The following DMBT1 variants were observed in gnomAD, a reference collection of about 807,000 sequenced individuals.
DMBT1 encodes scavenger receptor cysteine-rich domain-containing protein DMBT1.
In DMBT1, 198 loss-of-function variants were observed where a neutral mutation model predicts 252.9. The ratio of observed to expected loss-of-function variants is 0.78; its 90% CI spans 0.70 to 0.88. The LOEUF is 0.88. Ranked by LOEUF, DMBT1 falls within the 40% of genes least tolerant of loss-of-function variation. The pLI is 0.00. For missense variants in DMBT1, 2,432 were observed against 2,404.7 expected (o/e 1.01, Z -0.24); for synonymous variants, 990 against 942.7 (o/e 1.05, Z -0.92).
rs373641456 is a variant in DMBT1, at chr10:122,600,154, A to C, written c.3310+61A>C. On this transcript the variant is annotated intron_variant, in intron 27 of 55. Coordinates refer to ENST00000338354, the MANE Select transcript of DMBT1 (RefSeq NM_001377530.1). Reference sequence around the variant, plus strand: ...CTCTTTCTGCCCAATCACCCCTTCCACACTCCACAGAGCTCTCCTGTTTCT... The same window carrying C: ...CTCTTTCTGCCCAATCACCCCTTCCCCACTCCACAGAGCTCTCCTGTTTCT... 3.3e-4 allele frequency: 518 copies of C among 1,573,810 alleles called. 29 individuals are homozygous for C. The African/African-American group carries it at 4.0e-3, about 12-fold the overall frequency.
At position 122,572,339 on chromosome 10, in the gene DMBT1, C is replaced by A. The variant is rs368952924; in HGVS notation, c.213C>A (p.Thr71=). The change falls in exon 5 of 56, where the codon ACC becomes ACA. Residue 71 remains threonine, a synonymous_variant. Transcript: ENST00000338354. ...AEGSPISLES[T]LESTVAEGSL... The stretch of plus-strand genomic sequence containing the variant: ...GTTCTCCGATTTCCTTGGAGTCAAC[C>A]CTGGAGTCAACCGTAGCAGAAGGTA... 2.5e-6 allele frequency: 4 copies of A among 1,613,000 alleles called. No individual in the cohort carries two copies. The highest frequency in any genetic ancestry group is 3.4e-6 in the Non-Finnish European group (4 of 1,179,272).
In DMBT1 at chr10:122,618,772, A is replaced by T. The variant is rs148967868; in HGVS notation, c.5215+432A>T. Among the ~76,000 whole-genome samples the T allele has an allele frequency of 9.4e-3, 1,435 of 152,332 alleles. 23 individuals are homozygous for T. The highest frequency in any genetic ancestry group is 0.032 in the African/African-American group (1,335 of 41,572). ...GTGGGTTCTCAGCTGAGACCCAGTG[A>T]GGAGGTCTGGAAATAGAGGCTCAAG... On this transcript the variant is annotated intron_variant, in intron 41 of 55. Transcript: ENST00000338354.
intron 40 of DMBT1, among the ~76,000 whole-genome samples, 154 bp downstream of exon 40, chr10:122,617,414 G>C (rs1016871787): frequency 1.3e-5 from 2 of 151,348 alleles, no homozygotes; most frequent in Non-Finnish European, 2.9e-5. Flanking sequence ...AGTCAGCCCT[G>C]GGTTTGATGT....
chr10:122,592,708 T>C (rs1329157902), intron 20 of DMBT1, 113 bp downstream of exon 20: 3 of 1,505,658 alleles, frequency 2.0e-6, no homozygotes, highest in Non-Finnish European at 2.7e-6. Flanking sequence ...TTCCTATATT[T>C]ATGTAGTCTT....
chr10:122,578,042 G>C (rs1207300014), intron 8 of DMBT1, among the ~76,000 whole-genome samples: 2 of 152,186 alleles, frequency 1.3e-5, no homozygotes, highest in African/African-American at 4.8e-5. Flanking sequence ...GTCCATCTCA[G>C]CTTTCATCAC....
rs368729317 is a variant in DMBT1 at position 122,599,119 on chromosome 10, A to C, written c.3280+22A>C. The C allele has an allele frequency of 3.6e-5, 58 of 1,613,652 alleles. 1 individual carries two copies. The highest frequency in any genetic ancestry group is 1.6e-4 in the Middle Eastern group (1 of 6,078). On this transcript the variant is annotated intron_variant, in intron 26 of 55. Transcript: ENST00000338354. Reference sequence around the variant, plus strand: ...TCAGGTGGGCCTTCAAGAACTTGGGATCACTCTCTTGGGGTGGAGTTTGCT... The same window carrying C: ...TCAGGTGGGCCTTCAAGAACTTGGGCTCACTCTCTTGGGGTGGAGTTTGCT...
chr10:122,582,472 G>GCGTGCCCTGGTGACTTA (rs370264920), intron 12 of DMBT1, 128 bp from the exon 13 acceptor site: 1 of 10 alleles, frequency 0.1, no homozygotes, highest in Non-Finnish European at 0.1. Flanking sequence ...CATTGTGACT[G>GCGTGCCCTGGTGACTTA]CGTGCCCTGG....
intron 26 of DMBT1, among the ~76,000 whole-genome samples, chr10:122,599,695 G>T (rs545903682): frequency 6.6e-6 from 1 of 152,212 alleles, no homozygotes; most frequent in African/African-American, 2.4e-5. Flanking sequence ...GGCCGGCCAG[G>T]CATGGCCTTG....
intron 48 of DMBT1, 111 bp downstream of exon 48, chr10:122,630,601 GC>G: frequency 8.7e-7 from 1 of 1,148,614 alleles, no homozygotes; most frequent in Non-Finnish European, 1.3e-6. Context: ...GCGATGCACG[GC>G]CCATTCTCTT....
At chr10:122,591,283 G>A (rs564339075) in intron 18 of DMBT1, among the ~76,000 whole-genome samples, 196 bp from the exon 19 acceptor site, 1 of 148,596 alleles carries the variant, frequency 6.7e-6, no homozygotes, top group Non-Finnish European at 1.5e-5. Flanking sequence ...AGGAGGGATC[G>A]GACTGGTCTC....
intron 7 of DMBT1, 65 bp downstream of exon 7, chr10:122,576,787 G>A (rs755638418): frequency 5.0e-6 from 8 of 1,597,048 alleles, no homozygotes; most frequent in Non-Finnish European, 6.9e-6. Flanking sequence ...CACACTTTGG[G>A]AGGATGAGGT....
Position 122,621,019 on chromosome 10 carries a change from A to C in DMBT1, c.5285-38A>C, listed in dbSNP as rs140203766. ...ACATTCCTTAAATCCTTGACCTCAT[A>C]ATCAGTATGGATGAAGGGTTCTTGT... On this transcript the variant is annotated intron_variant, in intron 43 of 55. Transcript: ENST00000338354. 1,804 of 1,611,426 alleles carry C rather than the reference A, an allele frequency of 1.1e-3. 5 individuals carry two copies. Among genetic ancestry groups the C allele is most frequent in the Admixed American group, 1.5e-3 (88 of 59,990 alleles).
chr10:122,620,202 CT>C, intron 42 of DMBT1, 50 bp from the exon 43 acceptor site: 1 of 1,588,416 alleles, frequency 6.3e-7, no homozygotes, highest in Non-Finnish European at 8.6e-7. Context: ...TTTTTTGTAG[CT>C]TTCCTCCCTC....
At chr10:122,620,373 T>C in intron 43 of DMBT1, 82 bp downstream of exon 43, 2 of 1,507,478 alleles carry the variant, frequency 1.3e-6, no homozygotes, top group Non-Finnish European at 1.8e-6. Flanking sequence ...AGAATGAGGC[T>C]CAAGCTGGCG....
At chr10:122,564,752 T>C (rs551225062) in intron 1 of DMBT1, among the ~76,000 whole-genome samples, 1 of 152,300 alleles carries the variant, frequency 6.6e-6, no homozygotes, top group Non-Finnish European at 1.5e-5. Flanking sequence ...AATTGTATCA[T>C]TGACCCTGGA....
At chr10:122,599,434 C>T (rs928022679) in intron 26 of DMBT1, among the ~76,000 whole-genome samples, 3 of 152,192 alleles carry the variant, frequency 2.0e-5, no homozygotes. Flanking sequence ...GGACAGACAG[C>T]AAGGCGGGGT....
At chr10:122,620,061 C>T (rs753786965) in intron 42 of DMBT1, among the ~76,000 whole-genome samples, 192 bp from the exon 43 acceptor site, 6 of 152,206 alleles carry the variant, frequency 3.9e-5, no homozygotes, top group Non-Finnish European at 8.8e-5. Context: ...TAGGAGGGAT[C>T]GAACTGGTCT....
chr10:122,590,483 C>T (rs2097841119), intron 17 of DMBT1, among the ~76,000 whole-genome samples, 182 bp from the exon 18 acceptor site: 1 of 148,572 alleles, frequency 6.7e-6, no homozygotes, highest in African/African-American at 2.4e-5. Flanking sequence ...CAGTAGTGGA[C>T]AAGATCTGCC....
chr10:122,631,907 T>C, intron 50 of DMBT1, 32 bp downstream of exon 50: 1 of 1,611,784 alleles, frequency 6.2e-7, no homozygotes, highest in South Asian at 1.1e-5. Context: ...TCCACTTCCC[T>C]GGTCTCCAGG....
Sources: allele counts gnomAD v4.1 joint callset (sites outside exome capture counted in the v4.1 genomes callset), GRCh38; gene constraint gnomAD v4.1.1; transcripts MANE v1.5; gene names NCBI Gene and HGNC (gene_info 2026-07-23, HGNC 2026-07-21).